CFAP74: variants seen among roughly 807,000 people sequenced by gnomAD.
CFAP74 encodes cilia and flagella associated protein 74.
In CFAP74, 124 loss-of-function variants were observed where a neutral mutation model predicts 188.9. The ratio of observed to expected loss-of-function variants is 0.66; its 90% CI spans 0.57 to 0.76. The LOEUF (loss-of-function observed/expected upper bound fraction) is 0.76, where lower values mean the gene tolerates loss of function less well. CFAP74 is among the 30% of genes least tolerant of loss of function. The pLI is 0.00. For synonymous variants in CFAP74, 956 were observed against 916.7 expected (o/e 1.04, Z -0.77); for missense variants, 2,198 against 2,165.2 (o/e 1.02, Z -0.30).
At position 1,975,190 on chromosome 1, in the gene CFAP74, GTC is replaced by G. The variant is rs1378316179; in HGVS notation, c.501-994_501-993del. ...AGCTTTTCCTGTGGAGCCGAGTCCAGTCTCTCTCCCCACTGCAACACCCGGGG... is the reference window on the plus strand; with the variant it reads ...AGCTTTTCCTGTGGAGCCGAGTCCAGTCTCTCCCCACTGCAACACCCGGGG... On this transcript the variant is annotated intron_variant, in intron 6 of 38. Coordinates refer to ENST00000682832, the MANE Select transcript of CFAP74 (RefSeq NM_001304360.2). This position sits in a 1 kb window ranked among gnomAD's most constrained non-coding sequence, Gnocchi z 4.5. Among the ~76,000 whole-genome samples the G allele has an allele frequency of 6.6e-6, 1 of 152,232 alleles. No homozygotes were observed. Among genetic ancestry groups the G allele is most frequent in the Non-Finnish European group, 1.5e-5 (1 of 68,048 alleles).
At chr1:1,983,016 G>A (rs572211802) in intron 6 of CFAP74, among the ~76,000 whole-genome samples, 9 of 152,374 alleles carry the variant, frequency 5.9e-5, no homozygotes, top group Non-Finnish European at 1.0e-4. Context: ...AGACACGAAC[G>A]CAGGATGCGG....
At chr1:1,970,906 T>C (rs1044170308) in intron 9 of CFAP74, 90 bp from the exon 10 acceptor site, 14 of 1,507,998 alleles carry the variant, frequency 9.3e-6, no homozygotes, top group Middle Eastern at 1.7e-4. Flanking sequence ...CACAGGTTCA[T>C]ACATGCACAC....
intron 32 of CFAP74, 143 bp from the exon 33 acceptor site, chr1:1,926,081 G>T: frequency 1.4e-6 from 2 of 1,404,216 alleles, no homozygotes; most frequent in Non-Finnish European, 1.9e-6. Flanking sequence ...TTGGCGGCTG[G>T]TGTGAGGGCC....
chr1:1,946,921 G>C lies in CFAP74; in HGVS notation c.2241+69C>G, dbSNP rs920120624. The C allele has an allele frequency of 4.3e-5, 55 of 1,264,790 alleles. No individual in the cohort carries two copies. In the African/African-American group the frequency reaches 6.9e-4, roughly 16 times the overall value. The allele number at this position is 1,264,790 out of a possible 1,614,324, so 78.3% of individuals were successfully genotyped here. ...GTGAGGGCCAGTGGGTTGGGGTGCA[G>C]CTGGGGCTGGGGGAAGGTGGGCGGT... On this transcript the variant is annotated intron_variant, in intron 19 of 38. Coordinates refer to ENST00000682832, the MANE Select transcript of CFAP74 (RefSeq NM_001304360.2).
At chr1:1,990,825 A>G in intron 2 of CFAP74, 65 bp downstream of exon 2, 2 of 1,294,594 alleles carry the variant, frequency 1.5e-6, no homozygotes, top group South Asian at 2.5e-5. Context: ...AAGGGCTACT[A>G]TGAAGCATGT....
chr1:1,967,480 G>A (rs1322249333), intron 11 of CFAP74, among the ~76,000 whole-genome samples: 8 of 152,276 alleles, frequency 5.3e-5, no homozygotes, highest in Admixed American at 3.3e-4. Flanking sequence ...GCAAGGAGGC[G>A]CAGCAGGGTG....
chr1:1,938,972 G>A lies in CFAP74; in HGVS notation c.2894C>T (p.Pro965Leu). Residue 965 changes from proline to leucine, a missense_variant, in exon 25 of 39, where the codon CCC becomes CTC. Coordinates refer to ENST00000682832, the MANE Select transcript of CFAP74 (RefSeq NM_001304360.2). ...VRLPKFVDVQ[P>L]NDGFGTILPL... ...CAGGATCGTCCCAAACCCATCGTTG[G>A]GTTGGACGTCCACAAACTGGAAATA... 3 of 1,536,042 alleles carry A rather than the reference G, an allele frequency of 2.0e-6. No individual in the cohort carries two copies. The highest frequency in any genetic ancestry group is 2.6e-6 in the Non-Finnish European group (3 of 1,146,826).
At chr1:1,958,085 C>G (rs1309008228) in intron 16 of CFAP74, among the ~76,000 whole-genome samples, 4 of 152,252 alleles carry the variant, frequency 2.6e-5, no homozygotes, top group African/African-American at 9.6e-5. Context: ...ATCGGTGACT[C>G]TCATCCCAAC....
At chr1:1,982,162 GGACACCCAGCCACGGACAGACACGGGGA>G (rs1656932201) in intron 6 of CFAP74, among the ~76,000 whole-genome samples, 1 of 150,214 alleles carries the variant, frequency 6.7e-6, no homozygotes, top group African/African-American at 2.5e-5. Flanking sequence ...GGGACACACA[GGACACCCAGCCACGGACAGACACGGGGA>G]CACGCAGGAC....
intron 18 of CFAP74, among the ~76,000 whole-genome samples, chr1:1,947,903 C>T (rs1020538850): frequency 6.6e-5 from 10 of 152,188 alleles, no homozygotes; most frequent in African/African-American, 1.7e-4. Flanking sequence ...GACGGAGTCT[C>T]GGTCTGTCAT....
Position 1,964,906 on chromosome 1 carries a change from C to A in CFAP74, c.1557G>T (p.Pro519=). Reference sequence around the variant, plus strand: ...GGCTCACCTGGAAGTGGAGGAGCTCCGGTTTGCTGTTGAAGGGGCGTCCTT... The same window carrying A: ...GGCTCACCTGGAAGTGGAGGAGCTCAGGTTTGCTGTTGAAGGGGCGTCCTT... The part of the protein sequence containing the change: ...EFQGRPFNSK[P]ELLHFQDFDI... The change falls in exon 13 of 39, where the codon CCG becomes CCT. Residue 519 remains proline, a synonymous_variant. Coordinates refer to ENST00000682832, the MANE Select transcript of CFAP74 (RefSeq NM_001304360.2). The A allele has an allele frequency of 6.2e-7, 1 of 1,613,796 alleles. No homozygotes were observed. The highest frequency in any genetic ancestry group is 1.7e-4 in the Middle Eastern group (1 of 6,056).
chr1:1,966,038 C>T lies in CFAP74; in HGVS notation c.1401+333G>A, dbSNP rs531342198. Among the ~76,000 whole-genome samples the T allele has an allele frequency of 3.9e-5, 6 of 152,374 alleles. No homozygotes were observed. In the East Asian group the frequency reaches 5.8e-4, roughly 15 times the overall value. On this transcript the variant is annotated intron_variant, in intron 12 of 38. Transcript: ENST00000682832. ...AGAAAGATGCTTCTCCAATAGTACACGGAGTAGCTCAGAGTCATTCCCTCA... is the reference window on the plus strand; with the variant it reads ...AGAAAGATGCTTCTCCAATAGTACATGGAGTAGCTCAGAGTCATTCCCTCA...
In CFAP74 at chr1:1,975,243, C is replaced by T. The variant is rs528240927; in HGVS notation, c.501-1045G>A. 8.5e-5 allele frequency among the ~76,000 whole-genome samples: 13 copies of T among 152,278 alleles called. No individual in the cohort carries two copies. The highest frequency in any genetic ancestry group is 2.4e-4 in the African/African-American group (10 of 41,546). On this transcript the variant is annotated intron_variant, in intron 6 of 38. Transcript: ENST00000682832. The surrounding 1 kb of genome is among the most constrained non-coding windows in gnomAD (Gnocchi z 4.5). ...CAGGGGTCCCACCGCCTTGGCCCTC[C>T]GTGAATAAAGTCTGCTTTACATCTT...
intron 6 of CFAP74, among the ~76,000 whole-genome samples, chr1:1,981,789 C>T (rs1294854849): frequency 6.5e-5 from 8 of 123,976 alleles, no homozygotes; most frequent in East Asian, 2.6e-4. Context: ...CACCCAGCCG[C>T]GGTCACACGC....
rs904453972 is a variant in CFAP74 at position 1,922,144 on chromosome 1, C to T, written c.*143G>A. The T allele has an allele frequency of 4.3e-5, 27 of 622,540 alleles. No individual in the cohort carries two copies. The highest frequency in any genetic ancestry group is 2.2e-4 in the Admixed American group (7 of 32,540). 38.6% of individuals were successfully genotyped at this position (622,540 alleles called of 1,614,324 possible). A position where few individuals can be genotyped will look rare whatever the true frequency, so the allele number is the denominator to read the frequency against. ...GGGGTCCAGGGCAGCAGGAAGTGGC[C>T]GTGGCGCCATGTGGAGGGCGGCCTA... On this transcript the variant is annotated 3_prime_UTR_variant, in exon 39 of 39. Coordinates refer to ENST00000682832, the MANE Select transcript of CFAP74 (RefSeq NM_001304360.2).
Position 1,974,101 on chromosome 1 carries a change from C to G in CFAP74, c.598G>C (p.Val200Leu), listed in dbSNP as rs1162042144. ...CTGCAGAGCTGCTCGGCTGCGCGCA[C>G]CTGGAGCCGCCGCCCCGTGGCCTCC... The part of the protein sequence containing the change: ...EVEATGRRLQ[V>L]RAAEQLCREQ... Residue 200 changes from valine (V) to leucine (L), a missense_variant, in exon 7 of 39, where the codon GTG (valine) becomes CTG (leucine). Coordinates refer to ENST00000682832, the MANE Select transcript of CFAP74 (RefSeq NM_001304360.2). 2 of 1,612,502 alleles carry G rather than the reference C, an allele frequency of 1.2e-6. No homozygotes were observed. Among genetic ancestry groups the G allele is most frequent in the African/African-American group, 2.7e-5 (2 of 74,958 alleles).
intron 17 of CFAP74, 50 bp from the exon 18 acceptor site, chr1:1,955,900 T>G (rs913988305): frequency 2.6e-6 from 4 of 1,566,818 alleles, no homozygotes; most frequent in Non-Finnish European, 3.5e-6. Context: ...CACCTCCTTT[T>G]CCCAGTCAGC....
At chr1:1,949,914 T>A (rs867533682) in intron 18 of CFAP74, among the ~76,000 whole-genome samples, 1 of 152,124 alleles carries the variant, frequency 6.6e-6, no homozygotes, top group Non-Finnish European at 1.5e-5. Context: ...CTCTATCCAC[T>A]CCCCACGCGT....
chr1:1,930,231 A>G lies in CFAP74; in HGVS notation c.3117T>C (p.Ala1039=), dbSNP rs1652261011. 7.2e-6 allele frequency: 11 copies of G among 1,535,568 alleles called. No individual in the cohort carries two copies. The highest frequency in any genetic ancestry group is 8.7e-6 in the Non-Finnish European group (10 of 1,146,724). ...GGTGAGAGTTGATGACGTACACTGT[A>G]GCCACGGAGGTGTCGTATAGGGCCG... The part of the protein sequence containing the change: ...AATALYDTSV[A]TVYVINSHLS... Residue 1039 remains alanine (A), a synonymous_variant, in exon 26 of 39, where the codon GCT becomes GCC. Transcript: ENST00000682832.
Sources: gnomAD v4.1 joint callset for allele counts (sites outside exome capture counted in the v4.1 genomes callset) on GRCh38, gnomAD v4.1.1 for gene constraint, Gnocchi (gnomAD v3.1) non-coding constraint, MANE v1.5 for transcripts, NCBI Gene and HGNC (gene_info 2026-07-23, HGNC 2026-07-21) for gene names.